RNF141: variants seen among roughly 807,000 people sequenced by gnomAD.
RNF141 encodes ring finger protein 141, also known as C3HC4-like zinc finger protein.
RNF141 carries 18 observed loss-of-function variants against 27.4 expected under a neutral mutation model. The observed-to-expected ratio is 0.66, with a 90% CI of 0.45 to 0.97. The LOEUF (loss-of-function observed/expected upper bound fraction) is 0.97. Ranked by LOEUF, RNF141 falls within the 50% of genes least tolerant of loss-of-function variation. RNF141 has a pLI of 0.00. For missense variants in RNF141, 230 were observed against 279.4 expected (o/e 0.82, Z 1.26); for synonymous variants, 97 against 96.6 (o/e 1.00, Z -0.02).
chr11:10,536,687 C>T (rs989186569), intron 1 of RNF141, among the ~76,000 whole-genome samples: 4 of 152,192 alleles, frequency 2.6e-5, no homozygotes, highest in Non-Finnish European at 5.9e-5. Context: ...TGGTAACAAA[C>T]TCCTGGGCTC....
At chr11:10,520,830 T>A (rs576229902) in intron 4 of RNF141, among the ~76,000 whole-genome samples, 23 of 152,336 alleles carry the variant, frequency 1.5e-4, no homozygotes, top group African/African-American at 4.8e-4. Flanking sequence ...TCCATTATAA[T>A]CTTGAGACCA....
Position 10,512,169 on chromosome 11 carries a change from A to G in RNF141, c.*2747T>C, listed in dbSNP as rs1476254464. On this transcript the variant is annotated 3_prime_UTR_variant, in exon 6 of 6. Transcript: ENST00000265981. ...GAAGGCACACATTATATTTCCTATC[A>G]TAGTAAGTACATTTAAGTACTTCAT... 6.6e-6 allele frequency: 1 copy of G among 152,660 alleles called. No individual in the cohort carries two copies. The highest frequency in any genetic ancestry group is 2.4e-5 in the African/African-American group (1 of 41,450). 9.5% of individuals were successfully genotyped at this position (152,660 alleles called of 1,614,324 possible). A position where few individuals can be genotyped will look rare whatever the true frequency, so the allele number is the denominator to read the frequency against.
At chr11:10,532,051 G>A (rs1591500421) in intron 2 of RNF141, 1 of 442,026 alleles carries the variant, frequency 2.3e-6, no homozygotes, top group Non-Finnish European at 4.5e-6. Flanking sequence ...GTATCACACA[G>A]TAAGCTTAGT....
At chr11:10,540,147 C>T (rs976506627) in intron 1 of RNF141, among the ~76,000 whole-genome samples, 6 of 152,014 alleles carry the variant, frequency 3.9e-5, no homozygotes, top group Admixed American at 3.3e-4. Context: ...CTCATGCCCC[C>T]AGACAAAATT....
chr11:10,516,884 TAACTA>T (rs1338645189), intron 5 of RNF141: 3 of 152,110 alleles, frequency 2.0e-5, no homozygotes, highest in Non-Finnish European at 4.4e-5. Flanking sequence ...CCAAGTCACT[TAACTA>T]TAGTCCAGAA....
chr11:10,514,624 G>A lies in RNF141; in HGVS notation c.*292C>T. ...AGTAGTGTTTTAGAAGCCTCTGGAA[G>A]TGTTGCTGTTACCTTTAGCAAAGAA... is the stretch of plus-strand genomic sequence containing the variant. On this transcript the variant is annotated 3_prime_UTR_variant, in exon 6 of 6. Transcript: ENST00000265981. 1 of 242,782 alleles carries A rather than the reference G, an allele frequency of 4.1e-6. No homozygotes were observed. 15.0% of individuals were successfully genotyped at this position (242,782 alleles called of 1,614,324 possible).
chr11:10,539,968 C>CAT (rs1012383820), intron 1 of RNF141, among the ~76,000 whole-genome samples: 1 of 151,652 alleles, frequency 6.6e-6, no homozygotes, highest in African/African-American at 2.4e-5. Context: ...ATTTTTGAAA[C>CAT]ATATAGTCAT....
At chr11:10,527,834 T>G (rs1849951102) in intron 3 of RNF141, among the ~76,000 whole-genome samples, 1 of 152,022 alleles carries the variant, frequency 6.6e-6, no homozygotes, top group Non-Finnish European at 1.5e-5. Context: ...GGATGGTCAC[T>G]AGGAATAGGG....
intron 3 of RNF141, among the ~76,000 whole-genome samples, chr11:10,527,341 T>A (rs1215430168): frequency 2.0e-5 from 3 of 152,178 alleles, no homozygotes; most frequent in African/African-American, 7.2e-5. Context: ...GCTGAGGGGT[T>A]ACAGGGAAGG....
chr11:10,515,582 G>C, intron 5 of RNF141: 1 of 152,088 alleles, frequency 6.6e-6, no homozygotes, highest in Admixed American at 6.5e-5. Flanking sequence ...AAATTCCCTC[G>C]CATCAATGGA....
intron 5 of RNF141, chr11:10,517,074 T>A (rs1849848661): frequency 6.6e-6 from 1 of 151,534 alleles, no homozygotes; most frequent in Non-Finnish European, 1.5e-5. Flanking sequence ...CACCCAGAAC[T>A]AACACAGATA....
chr11:10,534,565 T>C (rs1850017493), intron 1 of RNF141, among the ~76,000 whole-genome samples: 1 of 152,150 alleles, frequency 6.6e-6, no homozygotes, highest in African/African-American at 2.4e-5. Flanking sequence ...CCTAAGAACA[T>C]TTCCTGACTG....
intron 5 of RNF141, chr11:10,517,783 C>T (rs1392568651): frequency 1.3e-5 from 2 of 152,034 alleles, no homozygotes; most frequent in African/African-American, 2.4e-5. Context: ...AAATGATATT[C>T]GGACATTCAA....
intron 1 of RNF141, among the ~76,000 whole-genome samples, chr11:10,536,283 C>T (rs541621575): frequency 6.6e-6 from 1 of 151,944 alleles, no homozygotes; most frequent in South Asian, 2.1e-4. Flanking sequence ...TGAAAAGTGC[C>T]TGAGACAGGA....
At chr11:10,515,095 T>G in intron 5 of RNF141, 29 bp from the exon 6 acceptor site, 5 of 1,576,930 alleles carry the variant, frequency 3.2e-6, no homozygotes, top group Non-Finnish European at 4.3e-6. Flanking sequence ...CAAAACAGTT[T>G]GCTTTCTTCT....
At chr11:10,517,107 A>T (rs1011467602) in intron 5 of RNF141, 1 of 152,326 alleles carries the variant, frequency 6.6e-6, no homozygotes, top group East Asian at 1.9e-4. Context: ...GATAAAATGG[A>T]AAGTTATTAT....
chr11:10,512,732 G>A lies in RNF141; in HGVS notation c.*2184C>T, dbSNP rs1456480581. The stretch of plus-strand genomic sequence containing the variant: ...CTAAGAATCTATGGAGGAGATACAG[G>A]GTTCTGCAAATTTGACTTGAATTTA... On this transcript the variant is annotated 3_prime_UTR_variant, in exon 6 of 6. Coordinates refer to ENST00000265981, the MANE Select transcript of RNF141 (RefSeq NM_016422.4). 2 of 151,630 alleles carry A rather than the reference G, an allele frequency of 1.3e-5. No homozygotes were observed. Among genetic ancestry groups the A allele is most frequent in the African/African-American group, 4.8e-5 (2 of 41,264 alleles). The allele number at this position is 151,630 out of a possible 1,614,324, so 9.4% of individuals were successfully genotyped here. A position where few individuals can be genotyped will look rare whatever the true frequency, so the allele number is the denominator to read the frequency against.
intron 1 of RNF141, among the ~76,000 whole-genome samples, chr11:10,537,705 A>T (rs566296859): frequency 6.6e-5 from 10 of 152,274 alleles, no homozygotes; most frequent in Non-Finnish European, 1.2e-4. Context: ...TACATAGTAG[A>T]TTGGACAAAG....
chr11:10,535,388 T>C (rs1850025385), intron 1 of RNF141, among the ~76,000 whole-genome samples: 1 of 147,524 alleles, frequency 6.8e-6, no homozygotes, highest in Non-Finnish European at 1.5e-5. Context: ...CAGTTTTGAA[T>C]CTGAGCCTAC....
Sources: gnomAD v4.1 joint callset for allele counts (sites outside exome capture counted in the v4.1 genomes callset) on GRCh38, gnomAD v4.1.1 for gene constraint, MANE v1.5 for transcripts, NCBI Gene and HGNC (gene_info 2026-07-23, HGNC 2026-07-21) for gene names.